The following KIFAP3 variants were observed in gnomAD, a reference collection of about 807,000 sequenced individuals.
The protein encoded by KIFAP3 is kinesin-associated protein 3.
In KIFAP3, 68 loss-of-function variants were observed where a neutral mutation model predicts 106.5. The ratio of observed to expected loss-of-function variants is 0.64; its 90% CI spans 0.53 to 0.78. KIFAP3 has a LOEUF of 0.78. Ranked by LOEUF, KIFAP3 falls within the 30% of genes least tolerant of loss-of-function variation. The pLI is 0.00. For synonymous variants in KIFAP3, 320 were observed against 311.5 expected (o/e 1.03, Z -0.29); for missense variants, 780 against 941.8 (o/e 0.83, Z 2.25).
rs186418621 is a variant in KIFAP3 at position 170,046,124 on chromosome 1, G to A, written c.319+588C>T. 1.2e-4 allele frequency among the ~76,000 whole-genome samples: 17 copies of A among 139,918 alleles called. No homozygotes were observed. In the East Asian group the frequency reaches 3.5e-3, roughly 29 times the overall value. The allele number at this position is 139,918 out of a possible 152,430, so 91.8% of individuals were successfully genotyped here. On this transcript the variant is annotated intron_variant, in intron 3 of 19. Coordinates refer to ENST00000361580, the MANE Select transcript of KIFAP3 (RefSeq NM_014970.4). ...CAGTCCAAAACCCTTAAAAACTCTAGGCCCAAACTTCTCAGGGAGATGGAT... is the reference window on the plus strand; with the variant it reads ...CAGTCCAAAACCCTTAAAAACTCTAAGCCCAAACTTCTCAGGGAGATGGAT...
Position 170,074,473 on chromosome 1 carries a change from C to T in KIFAP3, c.-6G>A, listed in dbSNP as rs772366242. ...CTGGCGTCCTCCCCTTGCATGGCGG[C>T]AGCGGCAGCGGCGTGGAGAGGATGG... On this transcript the variant is annotated 5_prime_UTR_variant, in exon 1 of 20. Transcript: ENST00000361580. 1 of 1,613,534 alleles carries T rather than the reference C, an allele frequency of 6.2e-7. No individual in the cohort carries two copies. The highest frequency in any genetic ancestry group is 8.5e-7 in the Non-Finnish European group (1 of 1,179,582).
chr1:170,008,548 T>C (rs1383603865), intron 10 of KIFAP3, among the ~76,000 whole-genome samples: 2 of 152,032 alleles, frequency 1.3e-5, no homozygotes, highest in Non-Finnish European at 2.9e-5. Flanking sequence ...ATTAGAGAAA[T>C]GCAAATCAAA....
chr1:170,007,001 C>T (rs534280548), intron 10 of KIFAP3, among the ~76,000 whole-genome samples: 23 of 152,064 alleles, frequency 1.5e-4, no homozygotes, highest in South Asian at 6.2e-4. Flanking sequence ...AGACTGAGAA[C>T]GACTGGATAT....
intron 10 of KIFAP3, among the ~76,000 whole-genome samples, chr1:170,003,234 T>A (rs960263286): frequency 2.6e-5 from 4 of 152,230 alleles, no homozygotes; most frequent in Non-Finnish European, 5.9e-5. Flanking sequence ...TTACTCATTA[T>A]AGACCAGTAA....
intron 1 of KIFAP3, among the ~76,000 whole-genome samples, chr1:170,069,993 C>CA (rs1274130603): frequency 1.3e-4 from 19 of 151,638 alleles, no homozygotes; most frequent in Non-Finnish European, 2.4e-4. Flanking sequence ...CAGAACACAC[C>CA]AAAAAAATCC....
intron 19 of KIFAP3, among the ~76,000 whole-genome samples, chr1:169,929,155 A>T (rs1056446296): frequency 9.8e-5 from 15 of 152,332 alleles, no homozygotes; most frequent in African/African-American, 3.6e-4. Context: ...TTTCAAAGCA[A>T]GGATTATTAA....
intron 16 of KIFAP3, among the ~76,000 whole-genome samples, chr1:169,973,599 G>A (rs1202308830): frequency 6.6e-6 from 1 of 150,390 alleles, no homozygotes; most frequent in Non-Finnish European, 1.5e-5. Context: ...TAAGGAAAAG[G>A]AAATTAAATT....
intron 9 of KIFAP3, among the ~76,000 whole-genome samples, chr1:170,017,012 A>G (rs2102002711): frequency 6.6e-6 from 1 of 152,318 alleles, no homozygotes; most frequent in South Asian, 2.1e-4. Flanking sequence ...TAATCCCAAC[A>G]CTTTGGGAGG....
intron 1 of KIFAP3, among the ~76,000 whole-genome samples, chr1:170,070,197 G>C (rs1392094968): frequency 6.6e-6 from 1 of 151,978 alleles, no homozygotes. Flanking sequence ...ATGGACTGAA[G>C]GACTTAATAT....
chr1:169,998,085 C>T (rs1040591068), intron 10 of KIFAP3, among the ~76,000 whole-genome samples: 12 of 151,480 alleles, frequency 7.9e-5, no homozygotes, highest in Non-Finnish European at 1.5e-4. Flanking sequence ...CTCAATACCC[C>T]CCTCCACACA....
At chr1:170,033,342 C>A (rs942471920) in intron 7 of KIFAP3, among the ~76,000 whole-genome samples, 2 of 151,620 alleles carry the variant, frequency 1.3e-5, no homozygotes, top group Non-Finnish European at 3.0e-5. Flanking sequence ...CTCAGGGTTT[C>A]CAGAGGCCAA....
intron 9 of KIFAP3, among the ~76,000 whole-genome samples, chr1:170,018,205 T>A (rs1435335598): frequency 6.6e-6 from 1 of 152,232 alleles, no homozygotes; most frequent in Non-Finnish European, 1.5e-5. Flanking sequence ...CATGCTCATT[T>A]TTTTTACCAG....
At position 169,952,937 on chromosome 1, in the gene KIFAP3, C is replaced by T. The variant is rs186581695; in HGVS notation, c.2273+1074G>A. 4.1e-4 allele frequency among the ~76,000 whole-genome samples: 62 copies of T among 151,762 alleles called. 1 individual carries two copies. Among genetic ancestry groups the T allele is most frequent in the East Asian group, 1.9e-4 (1 of 5,194 alleles). On this transcript the variant is annotated intron_variant, in intron 19 of 19. Coordinates refer to ENST00000361580, the MANE Select transcript of KIFAP3 (RefSeq NM_014970.4). ...AACTGTATTGTTCATTTAAAAAATACGTGAACATATCTTACACATAGAAAA... is the reference window on the plus strand; with the variant it reads ...AACTGTATTGTTCATTTAAAAAATATGTGAACATATCTTACACATAGAAAA...
chr1:169,956,706 C>T (rs1397607029), intron 18 of KIFAP3, among the ~76,000 whole-genome samples: 1 of 150,472 alleles, frequency 6.6e-6, no homozygotes, highest in African/African-American at 2.4e-5. Context: ...CCTCAAACTC[C>T]TGGGTTCAAG....
At chr1:170,064,872 G>A (rs1671356214) in intron 1 of KIFAP3, among the ~76,000 whole-genome samples, 1 of 152,128 alleles carries the variant, frequency 6.6e-6, no homozygotes, top group African/African-American at 2.4e-5. Flanking sequence ...ACTTGTTAAT[G>A]CTGTCTTAAA....
chr1:169,963,378 C>T (rs1293281288), intron 17 of KIFAP3, among the ~76,000 whole-genome samples: 1 of 152,120 alleles, frequency 6.6e-6, no homozygotes, highest in African/African-American at 2.4e-5. Context: ...GTTGATTACA[C>T]GTCTTTGCTT....
intron 8 of KIFAP3, among the ~76,000 whole-genome samples, chr1:170,026,128 G>C (rs1459773030): frequency 6.6e-6 from 1 of 152,128 alleles, no homozygotes; most frequent in African/African-American, 2.4e-5. Context: ...ACCAAGAATT[G>C]CTGGGACCCA....
At chr1:169,945,952 T>C (rs1664419381) in intron 19 of KIFAP3, among the ~76,000 whole-genome samples, 1 of 152,180 alleles carries the variant, frequency 6.6e-6, no homozygotes, top group Admixed American at 6.5e-5. Flanking sequence ...ATGCAAATCA[T>C]TAGTGTCCAA....
At chr1:169,957,730 G>A (rs1665101334) in intron 18 of KIFAP3, among the ~76,000 whole-genome samples, 2 of 151,978 alleles carry the variant, frequency 1.3e-5, no homozygotes. Context: ...GGGTTCAAGC[G>A]ATTCTCCTGT....
Sources: gnomAD v4.1 joint callset for allele counts (sites outside exome capture counted in the v4.1 genomes callset) on GRCh38, gnomAD v4.1.1 for gene constraint, MANE v1.5 for transcripts, NCBI Gene and HGNC (gene_info 2026-07-23, HGNC 2026-07-21) for gene names.